SLC1A5: variants seen among roughly 807,000 people sequenced by gnomAD.
SLC1A5 encodes solute carrier family 1 member 5, also known as neutral amino acid transporter B(0).
A neutral mutation model predicts 34.9 loss-of-function variants in SLC1A5; 25 were observed. That is an observed-to-expected ratio of 0.72 (90% CI 0.52 to 1.00). The LOEUF (loss-of-function observed/expected upper bound fraction) is 1.00. Among genes scored for constraint, SLC1A5 ranks in the 50% least tolerant of loss-of-function variants. SLC1A5 has a pLI of 0.00. For synonymous variants in SLC1A5, 351 were observed against 341.2 expected (o/e 1.03, Z -0.32); for missense variants, 637 against 740.0 (o/e 0.86, Z 1.61).
In SLC1A5 at chr19:46,777,128, G is replaced by T. The variant is rs891667282; in HGVS notation, c.1254-19C>A. ...CGTGACCCTGAGGGAGAAGGTGGGA[G>T]GTTAGGCAGATGCCTGTCTTGTGGG... On this transcript the variant is annotated intron_variant, in intron 6 of 7. Transcript: ENST00000542575. 2.0e-5 allele frequency: 32 copies of T among 1,612,416 alleles called. No homozygotes were observed. Among genetic ancestry groups the T allele is most frequent in the Non-Finnish European group, 2.7e-5 (32 of 1,179,128 alleles).
intron 3 of SLC1A5, among the ~76,000 whole-genome samples, chr19:46,783,629 T>A (rs999881596): frequency 6.6e-6 from 1 of 152,084 alleles, no homozygotes; most frequent in Non-Finnish European, 1.5e-5. Context: ...AAACTCAGTC[T>A]CTATAAAAGA....
rs373145846 is a variant in SLC1A5, at chr19:46,787,946, C to T, written c.20G>A (p.Arg7Gln). 6.4e-7 allele frequency: 1 copy of T among 1,567,566 alleles called. No individual in the cohort carries two copies. The highest frequency in any genetic ancestry group is 8.6e-7 in the Non-Finnish European group (1 of 1,159,486). ...CGCCGCTGCGAGCCCCTTGGAGTCT[C>T]GAGGAGGATCGGCCACCATGATGGG... MVADPP[R>Q]DSKGLAAAEP... is the part of the protein sequence containing the mutation. Residue 7 changes from arginine to glutamine, a missense_variant, in exon 1 of 8, where the codon CGA becomes CAA. Coordinates refer to ENST00000542575, the MANE Select transcript of SLC1A5 (RefSeq NM_005628.3). The surrounding 1 kb of genome is among the most constrained non-coding windows in gnomAD (Gnocchi z 5.2).
At position 46,783,253 on chromosome 19, in the gene SLC1A5, G is replaced by C. The variant is rs528700193; in HGVS notation, c.658-704C>G. 7.2e-5 allele frequency among the ~76,000 whole-genome samples: 11 copies of C among 151,898 alleles called. No homozygotes were observed. The South Asian group carries it at 1.5e-3, about 20-fold the overall frequency. ...CTAAGGTGGGCAGATCACCTGAGGT[G>C]GGGAGTTCCAGACCACACTGACCAA... On this transcript the variant is annotated intron_variant, in intron 3 of 7. Coordinates refer to ENST00000542575, the MANE Select transcript of SLC1A5 (RefSeq NM_005628.3).
chr19:46,787,185 T>G lies in SLC1A5; in HGVS notation c.566+215A>C. ...TCTTCTCCCTCTATAAGACCCCACTTATGTACCCAGGCCCCCAGATTTAGA... is the reference window on the plus strand; with the variant it reads ...TCTTCTCCCTCTATAAGACCCCACTGATGTACCCAGGCCCCCAGATTTAGA... On this transcript the variant is annotated intron_variant, in intron 1 of 7. Transcript: ENST00000542575. The surrounding 1 kb of genome is among the most constrained non-coding windows in gnomAD (Gnocchi z 5.2). 7.3e-7 allele frequency: 1 copy of G among 1,367,462 alleles called. No homozygotes were observed. The highest frequency in any genetic ancestry group is 9.5e-7 in the Non-Finnish European group (1 of 1,050,338). 84.7% of individuals were successfully genotyped at this position (1,367,462 alleles called of 1,614,324 possible).
rs3027953 is a variant in SLC1A5 at position 46,788,304 on chromosome 19, A to G, written c.-339T>C. The stretch of plus-strand genomic sequence containing the variant: ...GGGACGTGGGGCCCTTGGCTCCAGG[A>G]GGTTGAGTGCCCCCAGATGGCGGAG... On this transcript the variant is annotated 5_prime_UTR_variant, in exon 1 of 8. Transcript: ENST00000542575. The G allele has an allele frequency of 0.28, 77,105 of 272,732 alleles. 12,338 individuals carry two copies. Among genetic ancestry groups the G allele is most frequent in the East Asian group, 0.67 (9,419 of 14,100 alleles). The allele number at this position is 272,732 out of a possible 1,614,324, so 16.9% of individuals were successfully genotyped here.
At chr19:46,784,458 C>G in intron 2 of SLC1A5, 59 bp downstream of exon 2, 1 of 1,601,008 alleles carries the variant, frequency 6.2e-7, no homozygotes, top group Non-Finnish European at 8.5e-7. Context: ...AAGGGCTCCC[C>G]CTGGCTGGCA....
chr19:46,788,099 A>C lies in SLC1A5; in HGVS notation c.-134T>G. On this transcript the variant is annotated 5_prime_UTR_variant, in exon 1 of 8. Transcript: ENST00000542575. ...ACTGGAACTTTGGAGGGCTCCTTAGAGTTGTGAGTTCACAGCACTGAAGTT... is the reference window on the plus strand; with the variant it reads ...ACTGGAACTTTGGAGGGCTCCTTAGCGTTGTGAGTTCACAGCACTGAAGTT... 1 of 778,690 alleles carries C rather than the reference A, an allele frequency of 1.3e-6. No homozygotes were observed. Among genetic ancestry groups the C allele is most frequent in the Non-Finnish European group, 2.0e-6 (1 of 496,092 alleles). 48.2% of individuals were successfully genotyped at this position (778,690 alleles called of 1,614,324 possible).
chr19:46,783,112 A>G (rs1222817425), intron 3 of SLC1A5, among the ~76,000 whole-genome samples: 1 of 152,198 alleles, frequency 6.6e-6, no homozygotes, highest in Non-Finnish European at 1.5e-5. Context: ...TCCTGAAGGC[A>G]CTGAGGCACA....
intron 7 of SLC1A5, among the ~76,000 whole-genome samples, chr19:46,775,955 C>T (rs1157741384): frequency 6.6e-6 from 1 of 151,620 alleles, no homozygotes; most frequent in Non-Finnish European, 1.5e-5. Flanking sequence ...GTAGTGCACA[C>T]CTATAGTCCC....
chr19:46,788,146 G>A lies in SLC1A5; in HGVS notation c.-181C>T, dbSNP rs891998984. The A allele has an allele frequency of 5.1e-6, 3 of 593,436 alleles. No individual in the cohort carries two copies. Among genetic ancestry groups the A allele is most frequent in the South Asian group, 4.6e-5 (2 of 43,712 alleles). 36.8% of individuals were successfully genotyped at this position (593,436 alleles called of 1,614,324 possible). A position where few individuals can be genotyped will look rare whatever the true frequency, so the allele number is the denominator to read the frequency against. On this transcript the variant is annotated 5_prime_UTR_variant, in exon 1 of 8. Coordinates refer to ENST00000542575, the MANE Select transcript of SLC1A5 (RefSeq NM_005628.3). ...AGTTCCTTGGCTCTTGGAAGCTGGA[G>A]TGTTTAAATTCCCCAGGCTGGGCGC...
intron 1 of SLC1A5, among the ~76,000 whole-genome samples, chr19:46,786,685 G>A (rs934983296): frequency 6.6e-6 from 1 of 152,214 alleles, no homozygotes; most frequent in Non-Finnish European, 1.5e-5. Context: ...AAGTGGGGGA[G>A]GCCATTCTTG....
chr19:46,778,815 A>G lies in SLC1A5; in HGVS notation c.918T>C (p.Ile306=). 6.2e-7 allele frequency: 1 copy of G among 1,612,770 alleles called. No homozygotes were observed. Residue 306 remains isoleucine, a synonymous_variant, in exon 5 of 8, where the codon ATT becomes ATC. Transcript: ENST00000542575. The part of the protein sequence containing the change: ...GLLFARLGKY[I]LCCLLGHAIH... The stretch of plus-strand genomic sequence containing the variant: ...TGGCGTGACCCAGCAGGCAGCACAG[A>G]ATGTACTTGCCAAGGCGGGCAAAGA...
At chr19:46,785,873 G>T (rs894577635) in intron 1 of SLC1A5, among the ~76,000 whole-genome samples, 11 of 152,024 alleles carry the variant, frequency 7.2e-5, no homozygotes, top group Non-Finnish European at 2.9e-5. Flanking sequence ...TGAGGTCAGG[G>T]GTTCGAGACC....
At chr19:46,780,172 A>G (rs2055134711) in intron 4 of SLC1A5, among the ~76,000 whole-genome samples, 1 of 151,688 alleles carries the variant, frequency 6.6e-6, no homozygotes, top group Non-Finnish European at 1.5e-5. Context: ...TTAAACAACA[A>G]CAACAAAAAA....
Position 46,787,388 on chromosome 19 carries a change from G to A in SLC1A5, c.566+12C>T, listed in dbSNP as rs1310842522. On this transcript the variant is annotated intron_variant, in intron 1 of 7. Transcript: ENST00000542575. This position sits in a 1 kb window ranked among gnomAD's most constrained non-coding sequence, Gnocchi z 5.2. ...ACACTCTTCCCCACCTCCCGGGGGA[G>A]CGGGAGCTGACCTCGCAAGATCCAG... 1.9e-6 allele frequency: 3 copies of A among 1,585,028 alleles called. No individual in the cohort carries two copies. The highest frequency in any genetic ancestry group is 1.2e-5 in the South Asian group (1 of 86,940).
intron 3 of SLC1A5, among the ~76,000 whole-genome samples, 190 bp from the exon 4 acceptor site, chr19:46,782,739 C>G (rs1446430519): frequency 6.6e-6 from 1 of 151,902 alleles, no homozygotes; most frequent in Non-Finnish European, 1.5e-5. Context: ...GTAGGTGGGG[C>G]TGGAATAAGG....
At position 46,787,509 on chromosome 19, in the gene SLC1A5, G is replaced by A. The variant is rs776317727; in HGVS notation, c.457C>T (p.Leu153=). 25 of 1,580,602 alleles carry A rather than the reference G, an allele frequency of 1.6e-5. No individual in the cohort carries two copies. The East Asian group carries it at 3.7e-4, about 23-fold the overall frequency. Residue 153 remains leucine (L), a synonymous_variant, in exon 1 of 8, where the codon CTG becomes TTG. Transcript: ENST00000542575. The surrounding 1 kb of genome is among the most constrained non-coding windows in gnomAD (Gnocchi z 5.2). ...SALGVGLALA[L]QPGAASAAIN... ...GCGGCGGAGGCGGCGCCCGGCTGCA[G>A]AGCCAGCGCCAAGCCCACTCCGAGC...
At chr19:46,786,763 G>A (rs370543458) in intron 1 of SLC1A5, among the ~76,000 whole-genome samples, 2 of 152,282 alleles carry the variant, frequency 1.3e-5, no homozygotes, top group East Asian at 1.9e-4. Context: ...CCTCTTCTGG[G>A]CTGCCTGCTA....
Position 46,787,986 on chromosome 19 carries a change from C to A in SLC1A5, c.-21G>T. On this transcript the variant is annotated 5_prime_UTR_variant, in exon 1 of 8. Coordinates refer to ENST00000542575, the MANE Select transcript of SLC1A5 (RefSeq NM_005628.3). The surrounding 1 kb of genome is among the most constrained non-coding windows in gnomAD (Gnocchi z 5.2). ...ACCATGATGGGAAGCACCGGGGTTTCTTAGCGCCTGGAAGCTGGCTGGGAG... is the reference window on the plus strand; with the variant it reads ...ACCATGATGGGAAGCACCGGGGTTTATTAGCGCCTGGAAGCTGGCTGGGAG... The A allele has an allele frequency of 6.5e-7, 1 of 1,528,732 alleles. No homozygotes were observed. Among genetic ancestry groups the A allele is most frequent in the Non-Finnish European group, 8.8e-7 (1 of 1,140,966 alleles). 94.7% of individuals were successfully genotyped at this position (1,528,732 alleles called of 1,614,324 possible). A position where few individuals can be genotyped will look rare whatever the true frequency, so the allele number is the denominator to read the frequency against.
Sources: gnomAD v4.1 joint callset for allele counts (sites outside exome capture counted in the v4.1 genomes callset) on GRCh38, gnomAD v4.1.1 for gene constraint, Gnocchi (gnomAD v3.1) non-coding constraint, MANE v1.5 for transcripts, NCBI Gene and HGNC (gene_info 2026-07-23, HGNC 2026-07-21) for gene names.